MED16: variants seen among roughly 807,000 people sequenced by gnomAD.
MED16 encodes the protein mediator complex subunit 16.
Under a neutral mutation model 84.4 loss-of-function variants are expected in MED16, and 81 were observed. That is an observed-to-expected ratio of 0.96 (90% confidence interval 0.80 to 1.15). The LOEUF is 1.15. Ranked by LOEUF, MED16 falls within the 50% of genes most tolerant of loss-of-function variation. The pLI is 0.00. For synonymous variants in MED16, 897 were observed against 552.2 expected (o/e 1.62, Z -8.76); for missense variants, 1,585 against 1,245.9 (o/e 1.27, Z -4.10).
At chr19:892,624 TC>T in intron 1 of MED16, 1 of 144,800 alleles carries the variant, frequency 6.9e-6, no homozygotes, top group Non-Finnish European at 1.5e-5. Context: ...AACTCCGCAG[TC>T]CCCAGTCTCC....
chr19:881,749 T>C (rs765465634), intron 6 of MED16, 35 bp from the exon 7 acceptor site: 5 of 1,600,658 alleles, frequency 3.1e-6, no homozygotes, highest in South Asian at 1.1e-5. Flanking sequence ...AGGAAGGCAA[T>C]GGAGTAAAGA....
chr19:877,301 T>TGGGCCTGTGTGC lies in MED16; in HGVS notation c.1354-133_1354-122dup, dbSNP rs2036272786. On this transcript the variant is annotated intron_variant, in intron 8 of 15. Transcript: ENST00000325464. The stretch of plus-strand genomic sequence containing the variant: ...ATCTGTGTGCGCGCACGCCCGTGTG[T>TGGGCCTGTGTGC]GGGCCTGTGTGCGCGCATGTGTCTG... 4.7e-6 allele frequency: 4 copies of TGGGCCTGTGTGC among 847,990 alleles called. No individual in the cohort carries two copies. In the South Asian group the frequency reaches 6.5e-5, roughly 14 times the overall value. The allele number at this position is 847,990 out of a possible 1,614,324, so 52.5% of individuals were successfully genotyped here.
Position 875,319 on chromosome 19 carries a change from G to C in MED16, c.1696C>G (p.Pro566Ala). ...TTGTCAGGCGTGTTGAGAAAGTGGG[G>C]GCGCAGCAGCGACTTCAGGGTGGAG... ...ISSTLKSLLR[P>A]HFLNTPDKSP... is the part of the protein sequence containing the mutation. The change falls in exon 10 of 16, where the codon CCC (proline) becomes GCC (alanine). Residue 566 changes from proline to alanine, a missense_variant. Transcript: ENST00000325464. 1.2e-6 allele frequency: 2 copies of C among 1,610,932 alleles called. No individual in the cohort carries two copies. The highest frequency in any genetic ancestry group is 1.7e-6 in the Non-Finnish European group (2 of 1,179,830).
intron 4 of MED16, among the ~76,000 whole-genome samples, chr19:887,610 G>C (rs1242434377): frequency 6.6e-6 from 1 of 152,046 alleles, no homozygotes; most frequent in East Asian, 1.9e-4. Flanking sequence ...AAGTTTCAGT[G>C]AGCCGAGATC....
At chr19:890,595 C>T (rs1190218423) in intron 2 of MED16, among the ~76,000 whole-genome samples, 2 of 152,188 alleles carry the variant, frequency 1.3e-5, no homozygotes, top group South Asian at 4.1e-4. Flanking sequence ...ATTATGAGTG[C>T]CTATTACTCA....
chr19:885,433 A>G (rs1019590189), intron 5 of MED16, among the ~76,000 whole-genome samples: 1 of 151,992 alleles, frequency 6.6e-6, no homozygotes, highest in Non-Finnish European at 1.5e-5. Flanking sequence ...GGTTCGGGAC[A>G]CTGAGACGGG....
intron 13 of MED16, 51 bp from the exon 14 acceptor site, chr19:868,997 GT>G (rs1349540039): frequency 1.6e-5 from 24 of 1,463,126 alleles, no homozygotes; most frequent in Non-Finnish European, 2.2e-5. Flanking sequence ...ACGAGGCCAG[GT>G]TCCGGCAGGG....
At chr19:890,885 G>T in intron 2 of MED16, 78 bp downstream of exon 2, 1 of 1,490,864 alleles carries the variant, frequency 6.7e-7, no homozygotes, top group Non-Finnish European at 9.1e-7. Context: ...GTCCCTTCAA[G>T]GCAGTGGGCC....
In MED16 at chr19:885,884, G is replaced by A. The variant is rs756352731; in HGVS notation, c.765C>T (p.Ile255=). 18 of 1,613,656 alleles carry A rather than the reference G, an allele frequency of 1.1e-5. No homozygotes were observed. Among genetic ancestry groups the A allele is most frequent in the South Asian group, 4.4e-5 (4 of 91,092 alleles). The part of the protein sequence containing the change: ...CVSVVSEKCR[I]DTEILPSLFM... The stretch of plus-strand genomic sequence containing the variant: ...ACAGGGAGGGCAGGATCTCCGTGTC[G>A]ATACGGCACTTCTCGCTCACCACGC... The change falls in exon 5 of 16, where the codon ATC becomes ATT. Residue 255 remains isoleucine, a synonymous_variant. Coordinates refer to ENST00000325464, the MANE Select transcript of MED16 (RefSeq NM_005481.3).
At chr19:882,254 C>T (rs891115173) in intron 6 of MED16, among the ~76,000 whole-genome samples, 1 of 152,258 alleles carries the variant, frequency 6.6e-6, no homozygotes, top group South Asian at 2.1e-4. Context: ...ACATCTGCCA[C>T]CCCAAGACTT....
chr19:888,298 G>GAT (rs1459635475), intron 4 of MED16, among the ~76,000 whole-genome samples: 1 of 152,080 alleles, frequency 6.6e-6, no homozygotes, highest in Non-Finnish European at 1.5e-5. Context: ...GAGGCAGACG[G>GAT]ATCACCTGAG....
chr19:889,888 A>T, intron 3 of MED16, 81 bp from the exon 4 acceptor site: 1 of 1,479,206 alleles, frequency 6.8e-7, no homozygotes, highest in Non-Finnish European at 9.0e-7. Flanking sequence ...CGCCTGGGGG[A>T]AGCCAGCCCA....
intron 8 of MED16, among the ~76,000 whole-genome samples, chr19:878,258 AC>A (rs1353805162): frequency 1.4e-3 from 43 of 29,760 alleles, no homozygotes; most frequent in Admixed American, 1.4e-3. Context: ...CCCCAGCCCC[AC>A]GGGCCCCAGC....
rs2036158082 is a variant in MED16, at chr19:873,709, CG to C, written c.1772-128del. The C allele has an allele frequency of 3.4e-5, 39 of 1,134,472 alleles. No individual in the cohort carries two copies. In the South Asian group the frequency reaches 5.1e-4, roughly 15 times the overall value. 70.3% of individuals were successfully genotyped at this position (1,134,472 alleles called of 1,614,324 possible). A position where few individuals can be genotyped will look rare whatever the true frequency, so the allele number is the denominator to read the frequency against. ...TACCAGGACACAAGGGGACCCACAC[CG>C]GGAACGAGAAGGGGGCGATGGCGTT... On this transcript the variant is annotated intron_variant, in intron 10 of 15. Coordinates refer to ENST00000325464, the MANE Select transcript of MED16 (RefSeq NM_005481.3).
At position 885,800 on chromosome 19, in the gene MED16, G is replaced by A; in HGVS notation, c.849C>T (p.Leu283=). 1 of 1,612,074 alleles carries A rather than the reference G, an allele frequency of 6.2e-7. No individual in the cohort carries two copies. The highest frequency in any genetic ancestry group is 8.5e-7 in the Non-Finnish European group (1 of 1,179,892). ...RKDKFPAITH[L]KFLARDMSEQ... ...CCGACATGTCCCGGGCCAGGAACTTGAGGTGGGTGATGGCGGGAAACTTGT... is the reference window on the plus strand; with the variant it reads ...CCGACATGTCCCGGGCCAGGAACTTAAGGTGGGTGATGGCGGGAAACTTGT... Residue 283 remains leucine (L), a synonymous_variant, in exon 5 of 16, where the codon CTC becomes CTT. Transcript: ENST00000325464.
In MED16 at chr19:868,472, C is replaced by A; in HGVS notation, c.2427G>T (p.Ser809=). 6.2e-7 allele frequency: 1 copy of A among 1,610,986 alleles called. No individual in the cohort carries two copies. The highest frequency in any genetic ancestry group is 8.5e-7 in the Non-Finnish European group (1 of 1,179,878). Residue 809 remains serine, a synonymous_variant, in exon 15 of 16, where the codon TCG becomes TCT. Transcript: ENST00000325464. ...GCTTCACCGCCGTGGTTCTGTTGGGCGACTTGAGCATGGTGACACAGCCGC... is the reference window on the plus strand; with the variant it reads ...GCTTCACCGCCGTGGTTCTGTTGGGAGACTTGAGCATGGTGACACAGCCGC... ...TRCGCVTMLK[S]PNRTTAVKQW...
intron 4 of MED16, among the ~76,000 whole-genome samples, chr19:889,160 A>C (rs1599345252): frequency 1.7e-5 from 2 of 114,858 alleles, no homozygotes; most frequent in South Asian, 6.5e-4. Context: ...GTCCCCCCCA[A>C]CCCTGGCCAC....
At chr19:874,394 G>A (rs1173134755) in intron 10 of MED16, among the ~76,000 whole-genome samples, 2 of 152,186 alleles carry the variant, frequency 1.3e-5, no homozygotes, top group Admixed American at 1.3e-4. Flanking sequence ...TTACACACGA[G>A]TCGCCACGCC....
At position 876,990 on chromosome 19, in the gene MED16, G is replaced by C; in HGVS notation, c.1544C>G (p.Thr515Ser). The change falls in exon 9 of 16, where the codon ACC becomes AGC. Residue 515 changes from threonine to serine, a missense_variant. Coordinates refer to ENST00000325464, the MANE Select transcript of MED16 (RefSeq NM_005481.3). The stretch of plus-strand genomic sequence containing the variant: ...GGCCCCCACCTGCTGCAGGGCAGCG[G>C]TCTGGCGCGTGTACTCCTCGTGCAG... ...EKLHEEYTRQ[T>S]AALQQVLSTR... is the part of the protein sequence containing the mutation. 6.3e-7 allele frequency: 1 copy of C among 1,586,922 alleles called. No homozygotes were observed. Among genetic ancestry groups the C allele is most frequent in the Non-Finnish European group, 8.5e-7 (1 of 1,170,016 alleles).
Sources: allele counts gnomAD v4.1 joint callset (sites outside exome capture counted in the v4.1 genomes callset), GRCh38; gene constraint gnomAD v4.1.1; transcripts MANE v1.5; gene names NCBI Gene and HGNC (gene_info 2026-07-23, HGNC 2026-07-21).